DCAF6: variants seen among roughly 807,000 people sequenced by gnomAD.
DCAF6 encodes DDB1 and CUL4 associated factor 6, also known as DDB1- and CUL4-associated factor 6.
Under a neutral mutation model 125.1 loss-of-function variants are expected in DCAF6, and 54 were observed. The observed-to-expected ratio is 0.43, with a 90% confidence interval of 0.35 to 0.54. The LOEUF is 0.54. Among genes scored for constraint, DCAF6 ranks in the 20% least tolerant of loss-of-function variants. The probability of loss-of-function intolerance (pLI) is 0.01; values close to 1 mark genes in which losing one functional copy is unlikely to be tolerated. For synonymous variants in DCAF6, 371 were observed against 390.4 expected (o/e 0.95, Z 0.58); for missense variants, 934 against 1,161.7 (o/e 0.80, Z 2.85).
At chr1:168,054,819 GT>G (rs370002372) in intron 17 of DCAF6, among the ~76,000 whole-genome samples, 5,692 of 141,010 alleles carry the variant, frequency 0.04, 307 homozygotes, top group African/African-American at 0.14. Context: ...TACGGGTTTG[GT>G]TTTTTTTTTT....
intron 6 of DCAF6, 87 bp downstream of exon 6, chr1:167,991,426 T>A: frequency 2.3e-6 from 3 of 1,325,556 alleles, no homozygotes; most frequent in Non-Finnish European, 3.0e-6. Context: ...ATTTCTTGTT[T>A]GTTATAAAAT....
the DCAF6 span, among the ~76,000 whole-genome samples, chr1:167,902,238 A>T: frequency 6.6e-6 from 1 of 152,182 alleles, no homozygotes; most frequent in African/African-American, 2.4e-5. Flanking sequence ...TCAAGTGGAG[A>T]ATGAGTACGT....
intron 11 of DCAF6, among the ~76,000 whole-genome samples, chr1:168,020,843 A>G (rs1220342394): frequency 6.6e-6 from 1 of 152,144 alleles, no homozygotes; most frequent in African/African-American, 2.4e-5. Flanking sequence ...TGTTCATATG[A>G]TAGGAAAATA....
At chr1:167,868,411 G>A in the DCAF6 span, among the ~76,000 whole-genome samples, 2 of 152,150 alleles carry the variant, frequency 1.3e-5, no homozygotes, top group Admixed American at 6.5e-5. Context: ...TCATCCTGTA[G>A]GATGACTTAG....
chr1:167,901,801 A>G, the DCAF6 span: 3 of 1,614,218 alleles, frequency 1.9e-6, 1 homozygote, highest in South Asian at 3.3e-5. Flanking sequence ...CTAGCAGTGC[A>G]TCACCTTCAG....
At chr1:167,972,348 A>G (rs953682259) in intron 3 of DCAF6, among the ~76,000 whole-genome samples, 2 of 152,240 alleles carry the variant, frequency 1.3e-5, no homozygotes, top group African/African-American at 2.4e-5. Context: ...TCTTTGAACA[A>G]TTATTCATTA....
At chr1:168,056,084 A>G (rs1256539082) in intron 17 of DCAF6, 6 of 1,596,808 alleles carry the variant, frequency 3.8e-6, no homozygotes, top group Non-Finnish European at 5.1e-6. Flanking sequence ...ATAAAGGAGA[A>G]TAGAGTTCAC....
chr1:167,935,975 G>T (rs769339266), upstream of DCAF6: 7 of 699,182 alleles, frequency 1.0e-5, no homozygotes, highest in Non-Finnish European at 1.7e-5. Context: ...TACCCTTCCC[G>T]CGGCTTTCCC....
chr1:167,922,220 T>A, the DCAF6 span, among the ~76,000 whole-genome samples: 1 of 152,146 alleles, frequency 6.6e-6, no homozygotes. Context: ...ATCTGGAGAC[T>A]ATGTATGATT....
chr1:168,018,988 T>C (rs1277763995), intron 11 of DCAF6, among the ~76,000 whole-genome samples: 2 of 152,090 alleles, frequency 1.3e-5, no homozygotes, highest in Non-Finnish European at 2.9e-5. Context: ...GTTAAGGCAA[T>C]ACAGTATATA....
rs1571628381 is a variant in DCAF6, at chr1:167,951,977, A to T, written c.159+116A>T. The T allele has an allele frequency of 6.8e-6, 4 of 584,590 alleles. No individual in the cohort carries two copies. The East Asian group carries it at 1.2e-4, about 18-fold the overall frequency. The allele number at this position is 584,590 out of a possible 1,614,324, so 36.2% of individuals were successfully genotyped here. On this transcript the variant is annotated intron_variant, in intron 2 of 21. Transcript: ENST00000367840. ...GTGACTATAATAAAATGGGAGAATA[A>T]AGTTTTACATTAAAATATAAAATTA...
chr1:167,975,524 G>A (rs1678015220), intron 4 of DCAF6, among the ~76,000 whole-genome samples: 1 of 152,174 alleles, frequency 6.6e-6, no homozygotes, highest in South Asian at 2.1e-4. Flanking sequence ...AGTGCTTTAT[G>A]TGGTTCAGAA....
chr1:167,878,463 C>T, the DCAF6 span: 1 of 1,613,946 alleles, frequency 6.2e-7, no homozygotes, highest in Non-Finnish European at 8.5e-7. Context: ...CAGTACGGCC[C>T]CAATACTGAT....
the DCAF6 span, among the ~76,000 whole-genome samples, chr1:167,890,627 G>A: frequency 6.6e-6 from 1 of 152,140 alleles, no homozygotes; most frequent in Non-Finnish European, 1.5e-5. Flanking sequence ...AGCCAGGTTT[G>A]TGTCTTTCCC....
At chr1:168,016,079 C>G (rs1412443172) in intron 11 of DCAF6, 128 bp downstream of exon 11, 9 of 706,514 alleles carry the variant, frequency 1.3e-5, no homozygotes, top group Non-Finnish European at 1.5e-5. Context: ...CCCCTCCTTT[C>G]CTTGCATATG....
At chr1:167,979,545 A>G (rs914656583) in intron 4 of DCAF6, among the ~76,000 whole-genome samples, 1 of 152,164 alleles carries the variant, frequency 6.6e-6, no homozygotes, top group Non-Finnish European at 1.5e-5. Flanking sequence ...TATTTCCTTT[A>G]TAAGGCAGGA....
chr1:167,920,423 A>G, the DCAF6 span: 1 of 989,746 alleles, frequency 1.0e-6, no homozygotes, highest in Non-Finnish European at 1.5e-6. Context: ...CCTAGACATA[A>G]TACTGTTAAT....
At chr1:167,984,680 A>G (rs1204692786) in intron 4 of DCAF6, among the ~76,000 whole-genome samples, 1 of 152,206 alleles carries the variant, frequency 6.6e-6, no homozygotes, top group East Asian at 1.9e-4. Flanking sequence ...ATGAGTAAAA[A>G]TTCTCATTTT....
chr1:167,955,037 T>C (rs1302147069), intron 2 of DCAF6, among the ~76,000 whole-genome samples: 9 of 152,228 alleles, frequency 5.9e-5, no homozygotes, highest in Admixed American at 5.2e-4. Context: ...CTTTTTTCAT[T>C]TGGCTTTTTT....
Sources: gnomAD v4.1 joint callset for allele counts (sites outside exome capture counted in the v4.1 genomes callset) on GRCh38, gnomAD v4.1.1 for gene constraint, MANE v1.5 for transcripts, NCBI Gene and HGNC (gene_info 2026-07-23, HGNC 2026-07-21) for gene names.